Variants in JMJD1C observed in about 807,000 individuals in gnomAD.
JMJD1C encodes the protein jumonji domain containing 1C, also known as jumonji domain-containing protein 1C.
In JMJD1C, 31 loss-of-function variants were observed where a neutral mutation model predicts 245.3. The ratio of observed to expected loss-of-function variants is 0.13; its 90% CI spans 0.09 to 0.17. The LOEUF (loss-of-function observed/expected upper bound fraction) is 0.17, where lower values mean the gene tolerates loss of function less well. Ranked by LOEUF, JMJD1C falls within the 10% of genes least tolerant of loss-of-function variation. The probability of loss-of-function intolerance (pLI) is 1.00; values close to 1 mark genes in which losing one functional copy is unlikely to be tolerated. For missense variants in JMJD1C, 2,691 were observed against 3,000.2 expected, an observed-to-expected ratio of 0.90 and a Z score of 2.41; for synonymous variants, 1,057 against 1,017.4, an observed-to-expected ratio of 1.04 and a Z score of -0.74.
chr10:63,309,786 G>A (rs1375438396), intron 2 of JMJD1C, among the ~76,000 whole-genome samples: 6 of 151,488 alleles, frequency 4.0e-5, no homozygotes, highest in African/African-American at 9.7e-5. Flanking sequence ...GTGTGGTGGC[G>A]CACGCCTGTA....
At chr10:63,231,846 T>C (rs906848770) in intron 3 of JMJD1C, among the ~76,000 whole-genome samples, 1 of 152,150 alleles carries the variant, frequency 6.6e-6, no homozygotes, top group African/African-American at 2.4e-5. Flanking sequence ...CTTTACTCTT[T>C]TTTTCCTCTA....
chr10:63,503,257 T>C (rs1954615796), intron 1 of JMJD1C, among the ~76,000 whole-genome samples: 1 of 152,076 alleles, frequency 6.6e-6, no homozygotes, highest in Non-Finnish European at 1.5e-5. Flanking sequence ...AAATTGTAGG[T>C]TTTTTAGGGG....
At chr10:63,210,689 T>A (rs974131661) in intron 8 of JMJD1C, among the ~76,000 whole-genome samples, 1 of 152,128 alleles carries the variant, frequency 6.6e-6, no homozygotes, top group African/African-American at 2.4e-5. Flanking sequence ...ATTAATGACG[T>A]GAGAGTGAAG....
chr10:63,353,272 CAAAG>C (rs987123322), intron 2 of JMJD1C, among the ~76,000 whole-genome samples: 25 of 151,938 alleles, frequency 1.6e-4, no homozygotes, highest in Admixed American at 1.4e-3. Context: ...TGTAAGAACT[CAAAG>C]AAACTTACAG....
At chr10:63,381,379 G>A (rs769661521) in intron 1 of JMJD1C, among the ~76,000 whole-genome samples, 2 of 152,166 alleles carry the variant, frequency 1.3e-5, no homozygotes, top group African/African-American at 4.8e-5. Context: ...TGGACATGGT[G>A]GCACATGCCT....
intron 1 of JMJD1C, among the ~76,000 whole-genome samples, chr10:63,486,678 C>T (rs1198762085): frequency 1.3e-5 from 2 of 152,166 alleles, no homozygotes; most frequent in African/African-American, 4.8e-5. Flanking sequence ...TCTTAACTTA[C>T]AGTACATTTC....
chr10:63,308,622 ACAGTTGG>A, intron 2 of JMJD1C, among the ~76,000 whole-genome samples: 1 of 151,526 alleles, frequency 6.6e-6, no homozygotes, highest in African/African-American at 2.4e-5. Context: ...AAAAAAAAAA[ACAGTTGG>A]AAGCTTAAAA....
chr10:63,225,801 C>A (rs1007473260), intron 3 of JMJD1C, among the ~76,000 whole-genome samples: 18 of 150,714 alleles, frequency 1.2e-4, no homozygotes, highest in Admixed American at 1.3e-4. Context: ...AAAAAGCTAA[C>A]CTAAAGGTGC....
intron 1 of JMJD1C, among the ~76,000 whole-genome samples, chr10:63,494,076 C>T (rs1419234456): frequency 2.0e-5 from 3 of 152,046 alleles, no homozygotes; most frequent in South Asian, 2.1e-4. Flanking sequence ...TTTGGAAGGC[C>T]GAGGCGGGCG....
chr10:63,482,705 G>C (rs1330433187), intron 1 of JMJD1C, among the ~76,000 whole-genome samples: 1 of 152,114 alleles, frequency 6.6e-6, no homozygotes, highest in Non-Finnish European at 1.5e-5. Flanking sequence ...TCTAATCCTA[G>C]CTCCACCATT....
chr10:63,245,718 G>A (rs1240565453), intron 3 of JMJD1C, among the ~76,000 whole-genome samples: 1 of 152,200 alleles, frequency 6.6e-6, no homozygotes, highest in South Asian at 2.1e-4. Flanking sequence ...CTTGACCTCA[G>A]GTGATCCTCC....
chr10:63,203,889 T>C (rs1271542773), intron 10 of JMJD1C: 3 of 981,766 alleles, frequency 3.1e-6, no homozygotes, highest in Middle Eastern at 5.2e-4. Flanking sequence ...CTGATGACAA[T>C]TCTACTAAAC....
chr10:63,288,986 A>T (rs1858327140), intron 2 of JMJD1C, among the ~76,000 whole-genome samples: 1 of 151,328 alleles, frequency 6.6e-6, no homozygotes, highest in African/African-American at 2.4e-5. Flanking sequence ...TGTCTTTTAC[A>T]AAGACTTTCT....
At chr10:63,246,943 C>T (rs996997162) in intron 3 of JMJD1C, among the ~76,000 whole-genome samples, 8 of 150,838 alleles carry the variant, frequency 5.3e-5, no homozygotes, top group Non-Finnish European at 1.0e-4. Flanking sequence ...AAAAGCGATA[C>T]TAAGAGGAAA....
intron 1 of JMJD1C, among the ~76,000 whole-genome samples, chr10:63,431,621 T>C (rs1320885794): frequency 6.6e-6 from 1 of 152,234 alleles, no homozygotes. Context: ...ATATTTGAGA[T>C]GACTTGGGGT....
chr10:63,458,566 C>T (rs760237439), intron 1 of JMJD1C, among the ~76,000 whole-genome samples: 1 of 151,928 alleles, frequency 6.6e-6, no homozygotes, highest in Non-Finnish European at 1.5e-5. Context: ...ATCAAATCTC[C>T]TAACAAATAA....
chr10:63,191,926 G>A (rs1844854749), intron 16 of JMJD1C, among the ~76,000 whole-genome samples: 1 of 132,480 alleles, frequency 7.5e-6, no homozygotes, highest in East Asian at 2.4e-4. Flanking sequence ...AGAGGTTGCA[G>A]TGAGCCGAGA....
intron 22 of JMJD1C, among the ~76,000 whole-genome samples, chr10:63,179,342 G>C (rs777804315): frequency 6.6e-6 from 1 of 151,760 alleles, no homozygotes; most frequent in Non-Finnish European, 1.5e-5. Flanking sequence ...CCAGGAGGTG[G>C]AGGTTACGGT....
intron 2 of JMJD1C, among the ~76,000 whole-genome samples, chr10:63,356,454 G>C (rs375602655): frequency 6.6e-6 from 1 of 152,314 alleles, no homozygotes; most frequent in South Asian, 2.1e-4. Context: ...AAAGACCTGA[G>C]AAAGCATTCT....
Sources: gnomAD v4.1 joint callset for allele counts (sites outside exome capture counted in the v4.1 genomes callset) on GRCh38, gnomAD v4.1.1 for gene constraint, MANE v1.5 for transcripts, NCBI Gene and HGNC (gene_info 2026-07-23, HGNC 2026-07-21) for gene names.